The following LRFN5 variants were observed in gnomAD, a reference collection of about 807,000 sequenced individuals.
LRFN5 encodes the protein leucine-rich repeat and fibronectin type-III domain-containing protein 5.
In LRFN5, 24 loss-of-function variants were observed where a neutral mutation model predicts 45.6. That is an observed-to-expected ratio of 0.53 (90% confidence interval 0.38 to 0.74). The LOEUF (loss-of-function observed/expected upper bound fraction) is 0.74. Ranked by LOEUF, LRFN5 falls within the 30% of genes least tolerant of loss-of-function variation. The pLI, the probability that LRFN5 is intolerant of heterozygous loss-of-function variation, is 0.00. For synonymous variants in LRFN5, 340 were observed against 313.8 expected (o/e 1.08, Z -0.88); for missense variants, 776 against 861.5 (o/e 0.90, Z 1.24).
intron 1 of LRFN5, among the ~76,000 whole-genome samples, chr14:41,651,478 C>T (rs1880122726): frequency 6.6e-6 from 1 of 152,072 alleles, no homozygotes; most frequent in Admixed American, 6.6e-5. Context: ...AAAACAAAAA[C>T]AAAAACCTTT....
chr14:41,645,587 A>G (rs183875499), intron 1 of LRFN5, among the ~76,000 whole-genome samples: 2 of 152,324 alleles, frequency 1.3e-5, no homozygotes, highest in East Asian at 3.9e-4. Context: ...TGTAGATGGT[A>G]TTCAAAAGGA....
intron 1 of LRFN5, among the ~76,000 whole-genome samples, chr14:41,673,957 A>C (rs1594603552): frequency 7.9e-6 from 1 of 126,432 alleles, no homozygotes; most frequent in Non-Finnish European, 1.7e-5. Flanking sequence ...TGACACCCCC[A>C]CCTCCCTCCC....
intron 2 of LRFN5, among the ~76,000 whole-genome samples, chr14:41,800,479 T>A (rs1156314287): frequency 2.6e-5 from 4 of 151,770 alleles, no homozygotes; most frequent in Admixed American, 2.0e-4. Flanking sequence ...TATTTTCTAA[T>A]AATTGTATGA....
intron 1 of LRFN5, among the ~76,000 whole-genome samples, chr14:41,624,626 A>G (rs956286503): frequency 2.0e-5 from 3 of 152,162 alleles, no homozygotes; most frequent in Admixed American, 2.0e-4. Flanking sequence ...AGACTAAAGT[A>G]ACATTTTGGT....
chr14:41,796,174 A>G (rs542636832), intron 2 of LRFN5, among the ~76,000 whole-genome samples: 2 of 152,158 alleles, frequency 1.3e-5, no homozygotes, highest in South Asian at 2.1e-4. Context: ...TTCTTTGAAT[A>G]AAAAAGTTTT....
At chr14:41,639,162 G>T (rs1879444831) in intron 1 of LRFN5, among the ~76,000 whole-genome samples, 1 of 151,904 alleles carries the variant, frequency 6.6e-6, no homozygotes, top group Admixed American at 6.6e-5. Flanking sequence ...CTAAAGACAG[G>T]GCTCATGAAT....
At chr14:41,695,388 A>G (rs762229106) in intron 1 of LRFN5, among the ~76,000 whole-genome samples, 1 of 152,002 alleles carries the variant, frequency 6.6e-6, no homozygotes, top group Non-Finnish European at 1.5e-5. Flanking sequence ...AAGTGGCTAC[A>G]CTAAATAGCA....
At chr14:41,860,434 AC>A (rs1889621064) in intron 2 of LRFN5, among the ~76,000 whole-genome samples, 1 of 152,166 alleles carries the variant, frequency 6.6e-6, no homozygotes, top group African/African-American at 2.4e-5. Flanking sequence ...AATAAATATA[AC>A]CAAATATACA....
At chr14:41,793,197 A>T (rs900188299) in intron 2 of LRFN5, among the ~76,000 whole-genome samples, 5 of 151,998 alleles carry the variant, frequency 3.3e-5, no homozygotes, top group Non-Finnish European at 7.4e-5. Flanking sequence ...ATAAATGTCC[A>T]TGAAATTTTC....
chr14:41,623,773 T>C (rs1481462891), intron 1 of LRFN5, among the ~76,000 whole-genome samples: 6 of 152,254 alleles, frequency 3.9e-5, no homozygotes, highest in African/African-American at 1.2e-4. Flanking sequence ...ACACATTCTT[T>C]AAAAGTTGCA....
At chr14:41,730,639 A>G (rs185193719) in intron 1 of LRFN5, among the ~76,000 whole-genome samples, 6 of 152,084 alleles carry the variant, frequency 3.9e-5, no homozygotes, top group Admixed American at 3.3e-4. Flanking sequence ...TTCATTTTTA[A>G]TGACTATATA....
intron 1 of LRFN5, among the ~76,000 whole-genome samples, chr14:41,685,676 T>C (rs1356853626): frequency 6.6e-6 from 1 of 152,216 alleles, no homozygotes; most frequent in Non-Finnish European, 1.5e-5. Flanking sequence ...TTCAGTTTTC[T>C]GCATATGGCT....
At chr14:41,773,733 G>A (rs1017545471) in intron 2 of LRFN5, among the ~76,000 whole-genome samples, 1 of 152,164 alleles carries the variant, frequency 6.6e-6, no homozygotes. Context: ...GAGTTCAGTG[G>A]AAAAGGAGAT....
At chr14:41,835,340 G>T (rs547183285) in intron 2 of LRFN5, among the ~76,000 whole-genome samples, 2 of 152,278 alleles carry the variant, frequency 1.3e-5, no homozygotes, top group Admixed American at 1.3e-4. Flanking sequence ...AACATGGAAT[G>T]CTCTCTCTTG....
chr14:41,668,742 A>C (rs1327100832), intron 1 of LRFN5, among the ~76,000 whole-genome samples: 1 of 152,112 alleles, frequency 6.6e-6, no homozygotes, highest in Non-Finnish European at 1.5e-5. Flanking sequence ...ATTTGAAATA[A>C]GTTTTTTATA....
intron 2 of LRFN5, among the ~76,000 whole-genome samples, chr14:41,845,046 G>T (rs1484997432): frequency 2.0e-5 from 3 of 151,940 alleles, no homozygotes; most frequent in African/African-American, 7.3e-5. Context: ...TCTACCTCTA[G>T]ATTATCCTAA....
In LRFN5 at chr14:41,886,874, C is replaced by T. The variant is rs1890591239; in HGVS notation, c.249C>T (p.Ser83=). ...CCAGCTTGGTGGACCTGACTCTATC[C>T]AGGAATACAATAAGTTTTATTACAC... ...NMTSLVDLTL[S]RNTISFITPH... The change falls in exon 3 of 6, where the codon TCC becomes TCT. Residue 83 remains serine, a synonymous_variant. Transcript: ENST00000298119. 6.2e-7 allele frequency: 1 copy of T among 1,614,022 alleles called. No homozygotes were observed. The highest frequency in any genetic ancestry group is 8.5e-7 in the Non-Finnish European group (1 of 1,180,028).
intron 2 of LRFN5, among the ~76,000 whole-genome samples, chr14:41,821,606 A>G (rs1243557125): frequency 1.3e-5 from 2 of 151,840 alleles, no homozygotes; most frequent in African/African-American, 2.4e-5. Context: ...TTGTTGTGTC[A>G]TTGCCTGGCT....
intron 2 of LRFN5, among the ~76,000 whole-genome samples, chr14:41,825,316 A>G (rs1888257050): frequency 6.6e-6 from 1 of 152,112 alleles, no homozygotes; most frequent in Non-Finnish European, 1.5e-5. Flanking sequence ...CTCCATGTTT[A>G]TGTGAAAGTG....
Sources: gnomAD v4.1 joint callset for allele counts (sites outside exome capture counted in the v4.1 genomes callset) on GRCh38, gnomAD v4.1.1 for gene constraint, MANE v1.5 for transcripts, NCBI Gene and HGNC (gene_info 2026-07-23, HGNC 2026-07-21) for gene names.